The following LRRC1 variants were observed in gnomAD, a reference collection of about 807,000 sequenced individuals.
The protein encoded by LRRC1 is leucine-rich repeat-containing protein 1.
In LRRC1, 28 loss-of-function variants were observed where a neutral mutation model predicts 69.9. That is an observed-to-expected ratio of 0.40 (90% CI 0.30 to 0.55). LRRC1 has a LOEUF of 0.55. Among genes scored for constraint, LRRC1 ranks in the 20% least tolerant of loss-of-function variants. LRRC1 has a pLI of 0.47. For missense variants in LRRC1, 498 were observed against 609.0 expected, an observed-to-expected ratio of 0.82 and a Z score of 1.92; for synonymous variants, 236 against 240.2, an observed-to-expected ratio of 0.98 and a Z score of 0.16.
intron 2 of LRRC1, among the ~76,000 whole-genome samples, chr6:53,868,545 A>G (rs1766782796): frequency 6.6e-6 from 1 of 152,084 alleles, no homozygotes; most frequent in African/African-American, 2.4e-5. Context: ...CTACTCTTCA[A>G]ATTATTTGGC....
chr6:53,842,221 C>T lies in LRRC1; in HGVS notation c.271C>T (p.Arg91Ter), dbSNP rs1765812058. 6.2e-7 allele frequency: 1 copy of T among 1,609,968 alleles called. No individual in the cohort carries two copies. Among genetic ancestry groups the T allele is most frequent in the Non-Finnish European group, 8.5e-7 (1 of 1,176,886 alleles). Residue 91 changes from arginine (R) to a stop codon, truncating the protein, a stop_gained, in exon 2 of 14, where the codon CGA (arginine) becomes TGA (stop). Transcript: ENST00000370888. LOFTEE classifies it high-confidence loss of function. ...GCAGCTGGTGGAACTAGATGTGTCT[C>T]GAAATGGTAAGAAAGATTCCACTTG... ...FMQLVELDVS[R>*]NEIPEIPESI...
rs551150056 is a variant in LRRC1, at chr6:53,829,994, A to C, written c.160-12116A>C. 8.5e-5 allele frequency among the ~76,000 whole-genome samples: 13 copies of C among 152,304 alleles called. No individual in the cohort carries two copies. In the East Asian group the frequency reaches 2.3e-3, roughly 27 times the overall value. The stretch of plus-strand genomic sequence containing the variant: ...AGGTGATGTGCTGAACAAGGTACTC[A>C]CTAGATAGTGTTTCTGCAGAGGAAC... On this transcript the variant is annotated intron_variant, in intron 1 of 13. Transcript: ENST00000370888.
At chr6:53,865,428 G>A (rs781209831) in intron 2 of LRRC1, among the ~76,000 whole-genome samples, 6 of 152,092 alleles carry the variant, frequency 3.9e-5, no homozygotes, top group Non-Finnish European at 8.8e-5. Flanking sequence ...CCAAGGTGAC[G>A]TAAAGAATGT....
chr6:53,795,492 C>G (rs933210526), intron 1 of LRRC1, 77 bp downstream of exon 1: 5 of 1,420,044 alleles, frequency 3.5e-6, no homozygotes, highest in Non-Finnish European at 3.7e-6. Context: ...CTCGTCCCCT[C>G]TTCCATCTCC....
chr6:53,837,945 A>G (rs2127414738), intron 1 of LRRC1, among the ~76,000 whole-genome samples: 1 of 152,318 alleles, frequency 6.6e-6, no homozygotes, highest in South Asian at 2.1e-4. Context: ...TAAGTGGGTT[A>G]GTGAGCTATA....
At position 53,876,750 on chromosome 6, in the gene LRRC1, A is replaced by G. The variant is rs528557380; in HGVS notation, c.278-2243A>G. On this transcript the variant is annotated intron_variant, in intron 2 of 13. Transcript: ENST00000370888. ...TCCAGGTCATGCTGATGTAAGAGGT[A>G]TGTTCCCACGGTCTTGGACAGCTCT... Among the ~76,000 whole-genome samples the G allele has an allele frequency of 1.8e-4, 28 of 152,304 alleles. No individual in the cohort carries two copies. In the East Asian group the frequency reaches 5.2e-3, roughly 28 times the overall value.
intron 2 of LRRC1, among the ~76,000 whole-genome samples, chr6:53,853,967 A>G (rs1318257835): frequency 6.6e-6 from 1 of 152,134 alleles, no homozygotes; most frequent in East Asian, 1.9e-4. Flanking sequence ...TGCTGAGGAG[A>G]GGTGATACAC....
chr6:53,806,477 C>T (rs548382386), intron 1 of LRRC1, among the ~76,000 whole-genome samples: 18 of 152,204 alleles, frequency 1.2e-4, no homozygotes, highest in South Asian at 2.1e-4. Flanking sequence ...TGGGTGTCAG[C>T]GCTGGGTTCT....
At position 53,852,277 on chromosome 6, in the gene LRRC1, C is replaced by G. The variant is rs182237716; in HGVS notation, c.277+10050C>G. On this transcript the variant is annotated intron_variant, in intron 2 of 13. Coordinates refer to ENST00000370888, the MANE Select transcript of LRRC1 (RefSeq NM_018214.5). ...AGTGCCTTTCATAGAATGAACACTC[C>G]GTATAGATGCTGTAATTCTATCATC... 2.6e-5 allele frequency among the ~76,000 whole-genome samples: 4 copies of G among 152,186 alleles called. No homozygotes were observed. The East Asian group carries it at 7.7e-4, about 29-fold the overall frequency.
chr6:53,904,571 A>G, intron 10 of LRRC1, 109 bp downstream of exon 10: 6 of 695,708 alleles, frequency 8.6e-6, no homozygotes, highest in Non-Finnish European at 9.4e-6. Context: ...GTTGTTTTTT[A>G]AAGGTGTGAA....
chr6:53,810,395 C>T (rs775495416), intron 1 of LRRC1, among the ~76,000 whole-genome samples: 9 of 152,178 alleles, frequency 5.9e-5, no homozygotes, highest in Admixed American at 2.6e-4. Context: ...CCGAGGCAGG[C>T]GGATCATGAG....
rs1412490037 is a variant in LRRC1, at chr6:53,816,720, AT to A, written c.159+21306del. 3.8e-4 allele frequency among the ~76,000 whole-genome samples: 18 copies of A among 47,290 alleles called. 1 individual carries two copies. Among genetic ancestry groups the A allele is most frequent in the Admixed American group, 2.1e-3 (7 of 3,378 alleles). 31.0% of individuals were successfully genotyped at this position (47,290 alleles called of 152,430 possible). On this transcript the variant is annotated intron_variant, in intron 1 of 13. Coordinates refer to ENST00000370888, the MANE Select transcript of LRRC1 (RefSeq NM_018214.5). ...TGAATATTTCTTTCAAAATAACCCC[AT>A]GGAGGGCAGAGGGAAGGATAAAAAA...
chr6:53,888,692 A>G (rs1767575222), intron 4 of LRRC1, among the ~76,000 whole-genome samples: 1 of 152,220 alleles, frequency 6.6e-6, no homozygotes, highest in Non-Finnish European at 1.5e-5. Flanking sequence ...CTCCTACCTC[A>G]TGCCAGACAC....
chr6:53,896,454 CA>C, intron 4 of LRRC1, 43 bp from the exon 5 acceptor site: 1 of 1,540,750 alleles, frequency 6.5e-7, no homozygotes, highest in African/African-American at 1.4e-5. Context: ...GGAAGAATCT[CA>C]GGAATTTCTC....
rs1188621992 is a variant in LRRC1, at chr6:53,897,309, C to A, written c.592C>A (p.His198Asn). 2 of 1,612,376 alleles carry A rather than the reference C, an allele frequency of 1.2e-6. No homozygotes were observed. The highest frequency in any genetic ancestry group is 1.7e-6 in the Non-Finnish European group (2 of 1,178,894). ...GCCAGAATCAATTGGAGCCCTCTTACATCTAAAAGATCTCTGGTTGGATGG... is the reference window on the plus strand; with the variant it reads ...GCCAGAATCAATTGGAGCCCTCTTAAATCTAAAAGATCTCTGGTTGGATGG... Reference protein sequence around the residue: ...NLPESIGALLHLKDLWLDGNQ... With the variant: ...NLPESIGALLNLKDLWLDGNQ... The change falls in exon 7 of 14, where the codon CAT becomes AAT. Residue 198 changes from histidine (H) to asparagine (N), a missense_variant. By Grantham distance (68) the His-to-Asn change is moderately conservative. This residue lies in a region of LRRC1 where 266 missense variants were observed against 383.9 expected (regional missense o/e 0.69). Coordinates refer to ENST00000370888, the MANE Select transcript of LRRC1 (RefSeq NM_018214.5).
chr6:53,827,320 A>AC (rs1203529854), intron 1 of LRRC1, among the ~76,000 whole-genome samples: 2 of 151,948 alleles, frequency 1.3e-5, no homozygotes, highest in Non-Finnish European at 2.9e-5. Flanking sequence ...CAAAAAAAAA[A>AC]AAAAAACAGT....
At chr6:53,818,382 AT>A (rs1004359828) in intron 1 of LRRC1, among the ~76,000 whole-genome samples, 1 of 152,164 alleles carries the variant, frequency 6.6e-6, no homozygotes, top group Non-Finnish European at 1.5e-5. Flanking sequence ...TCAATAGTGC[AT>A]TTTTTTGTGG....
intron 11 of LRRC1, among the ~76,000 whole-genome samples, chr6:53,915,626 G>GT (rs1262532786): frequency 6.6e-6 from 1 of 152,140 alleles, no homozygotes; most frequent in East Asian, 1.9e-4. Context: ...CCGAAAAACT[G>GT]TTTTTACATG....
intron 9 of LRRC1, 132 bp downstream of exon 9, chr6:53,902,879 C>A: frequency 1.7e-6 from 1 of 603,658 alleles, no homozygotes; most frequent in Non-Finnish European, 2.9e-6. Context: ...AATGCATGAC[C>A]TAAAGATCAG....
Sources: gnomAD v4.1 joint callset for allele counts (sites outside exome capture counted in the v4.1 genomes callset) on GRCh38, gnomAD v4.1.1 for gene constraint, gnomAD v4.1.1 regional missense constraint, MANE v1.5 for transcripts, NCBI Gene and HGNC (gene_info 2026-07-23, HGNC 2026-07-21) for gene names.